KCNN3: variants seen among roughly 807,000 people sequenced by gnomAD.
KCNN3 encodes small conductance calcium-activated potassium channel protein 3.
KCNN3 carries 16 observed loss-of-function variants against 62.9 expected under a neutral mutation model. The observed-to-expected ratio is 0.25, with a 90% CI of 0.17 to 0.39. The LOEUF (loss-of-function observed/expected upper bound fraction) is 0.39, where lower values mean the gene tolerates loss of function less well. Among genes scored for constraint, KCNN3 ranks in the 10% least tolerant of loss-of-function variants. The pLI, the probability that KCNN3 is intolerant of heterozygous loss-of-function variation, is 1.00. For synonymous variants in KCNN3, 370 were observed against 389.2 expected (o/e 0.95, Z 0.58); for missense variants, 599 against 949.4 (o/e 0.63, Z 4.85).
chr1:154,714,798 G>C lies in KCNN3; in HGVS notation c.1829+78C>G, dbSNP rs879548353. The C allele has an allele frequency of 7.3e-4, 1,159 of 1,580,800 alleles. 2 individuals carry two copies. Among genetic ancestry groups the C allele is most frequent in the Non-Finnish European group, 9.3e-4 (1,075 of 1,151,562 alleles). On this transcript the variant is annotated intron_variant, in intron 6 of 7. Transcript: ENST00000271915. The stretch of plus-strand genomic sequence containing the variant: ...GAGTGGAACAGAATGGATTTCTTCT[G>C]TGCTACTGACAGAGTTGTAGGAGTC...
chr1:154,830,543 G>A (rs1003448038), intron 1 of KCNN3, among the ~76,000 whole-genome samples: 28 of 152,188 alleles, frequency 1.8e-4, no homozygotes, highest in Non-Finnish European at 1.3e-4. Flanking sequence ...CTGCAGACTG[G>A]GCCCGGCACG....
intron 2 of KCNN3, among the ~76,000 whole-genome samples, chr1:154,810,288 T>C (rs539099688): frequency 2.2e-4 from 33 of 152,126 alleles, no homozygotes; most frequent in Non-Finnish European, 4.4e-5. Flanking sequence ...AGGCAGATGA[T>C]GGCTTGGGGT....
intron 7 of KCNN3, 70 bp downstream of exon 7, chr1:154,713,394 C>A (rs1700118956): frequency 1.5e-6 from 2 of 1,321,590 alleles, no homozygotes; most frequent in Non-Finnish European, 2.2e-6. Flanking sequence ...CCAGCCAGGA[C>A]TCACAGGTGA....
intron 3 of KCNN3, among the ~76,000 whole-genome samples, chr1:154,761,952 C>T (rs1648037512): frequency 1.4e-5 from 2 of 144,782 alleles, no homozygotes; most frequent in South Asian, 4.5e-4. Context: ...AAACAAACAA[C>T]GAAGTAACAA....
intron 2 of KCNN3, among the ~76,000 whole-genome samples, chr1:154,815,368 T>G (rs1455940766): frequency 6.6e-6 from 1 of 152,164 alleles, no homozygotes; most frequent in Non-Finnish European, 1.5e-5. Flanking sequence ...AGCTTTGTCC[T>G]GAGCATACAA....
chr1:154,784,414 T>C (rs1343290199), intron 2 of KCNN3, among the ~76,000 whole-genome samples: 2 of 152,112 alleles, frequency 1.3e-5, no homozygotes, highest in African/African-American at 2.4e-5. Context: ...CTAAACCAAG[T>C]TACCAGTAAC....
intron 1 of KCNN3, among the ~76,000 whole-genome samples, chr1:154,828,289 G>A (rs139179316): frequency 6.6e-6 from 1 of 151,736 alleles, no homozygotes; most frequent in East Asian, 1.9e-4. Context: ...TGACCAAGGC[G>A]CCGAGCACAC....
Position 154,702,700 on chromosome 1 carries a change from G to GATTAT in KCNN3, c.*5275_*5276insATAAT, listed in dbSNP as rs1205187844. ...ACGTTGGCTGCTTCGATCTGATTCA[G>GATTAT]ATATATATATATATATATATATATA... On this transcript the variant is annotated 3_prime_UTR_variant, in exon 8 of 8. Coordinates refer to ENST00000271915, the MANE Select transcript of KCNN3 (RefSeq NM_002249.6). 4 of 43,080 alleles carry GATTAT rather than the reference G, an allele frequency of 9.3e-5. No individual in the cohort carries two copies. Among genetic ancestry groups the GATTAT allele is most frequent in the African/African-American group, 2.4e-4 (4 of 16,410 alleles). 2.7% of individuals were successfully genotyped at this position (43,080 alleles called of 1,614,324 possible).
intron 6 of KCNN3, among the ~76,000 whole-genome samples, chr1:154,714,506 GGTGT>G (rs143557549): frequency 3.4e-4 from 25 of 73,692 alleles, no homozygotes; most frequent in African/African-American, 9.5e-4. Context: ...GTGTGTGTGG[GGTGT>G]GTGTGTGTGG....
At chr1:154,749,865 G>C (rs1332711319) in intron 3 of KCNN3, among the ~76,000 whole-genome samples, 1 of 152,184 alleles carries the variant, frequency 6.6e-6, no homozygotes, top group Non-Finnish European at 1.5e-5. Context: ...GGAGACTACG[G>C]GATGCTCCCG....
intron 2 of KCNN3, among the ~76,000 whole-genome samples, chr1:154,801,827 G>A (rs981248671): frequency 1.6e-4 from 24 of 152,092 alleles, no homozygotes; most frequent in African/African-American, 5.6e-4. Flanking sequence ...TGAAAGACTC[G>A]GCCTCCGGGG....
Position 154,789,889 on chromosome 1 carries a change from T to TTTTG in KCNN3, c.1030-17500_1030-17497dup, listed in dbSNP as rs150262043. ...GCCCCAGGTTAGGAATGCTTGCTTT[T>TTTTG]TTTGTTTGTTTGTTTGTTTGTTTGT... is the stretch of plus-strand genomic sequence containing the variant. On this transcript the variant is annotated intron_variant, in intron 2 of 7. Coordinates refer to ENST00000271915, the MANE Select transcript of KCNN3 (RefSeq NM_002249.6). 3.0e-3 allele frequency among the ~76,000 whole-genome samples: 460 copies of TTTTG among 150,900 alleles called. 1 individual carries two copies. Among genetic ancestry groups the TTTTG allele is most frequent in the East Asian group, 4.9e-3 (25 of 5,118 alleles).
At chr1:154,715,044 T>C in intron 5 of KCNN3, 41 bp from the exon 6 acceptor site, 1 of 1,611,786 alleles carries the variant, frequency 6.2e-7, no homozygotes, top group Non-Finnish European at 8.5e-7. Context: ...TCAGGTTCAT[T>C]TTCTTAGGTT....
At chr1:154,710,445 C>T (rs961570707) in intron 7 of KCNN3, among the ~76,000 whole-genome samples, 4 of 151,978 alleles carry the variant, frequency 2.6e-5, no homozygotes, top group South Asian at 2.1e-4. Context: ...GATCTCCCCA[C>T]GGGGGTTCTG....
chr1:154,869,666 A>T lies in KCNN3; in HGVS notation c.299T>A (p.Leu100Gln). Residue 100 changes from leucine to glutamine, a missense_variant, in exon 1 of 8, where the codon CTG becomes CAG. Around this residue, in one of 7 missense-constraint regions of KCNN3, gnomAD observed 112 missense variants for 142.9 expected, o/e 0.78. Coordinates refer to ENST00000271915, the MANE Select transcript of KCNN3 (RefSeq NM_002249.6). This position sits in a 1 kb window ranked among gnomAD's most constrained non-coding sequence, Gnocchi z 6.1. Reference sequence around the variant, plus strand: ...GAAAGCGGTGGGAGAGGAGTGCAGCAGGCCAGGGTGGACGGGCTGGCTCTG... The same window carrying T: ...GAAAGCGGTGGGAGAGGAGTGCAGCTGGCCAGGGTGGACGGGCTGGCTCTG... ...QLQSQPVHPG[L>Q]LHSSPTAFRA... 1 of 1,607,136 alleles carries T rather than the reference A, an allele frequency of 6.2e-7. No homozygotes were observed. The highest frequency in any genetic ancestry group is 8.5e-7 in the Non-Finnish European group (1 of 1,176,608).
At chr1:154,715,123 C>A in intron 5 of KCNN3, 120 bp from the exon 6 acceptor site, 3 of 1,237,092 alleles carry the variant, frequency 2.4e-6, no homozygotes, top group African/African-American at 1.5e-5. Context: ...TTTTCTTAAC[C>A]AAAATCACGG....
At chr1:154,826,216 GC>G (rs2101898209) in intron 1 of KCNN3, among the ~76,000 whole-genome samples, 1 of 152,198 alleles carries the variant, frequency 6.6e-6, no homozygotes, top group East Asian at 1.9e-4. Context: ...TCATTTTTAA[GC>G]TTTTTTAGTG....
At chr1:154,864,575 CCAGGCTCCCCTGGG>C (rs1227357648) in intron 1 of KCNN3, among the ~76,000 whole-genome samples, 1 of 152,234 alleles carries the variant, frequency 6.6e-6, no homozygotes, top group African/African-American at 2.4e-5. Context: ...GGCCAGACGA[CCAGGCTCCCCTGGG>C]CATACGGAGA....
At chr1:154,710,212 G>A (rs1309097316) in intron 7 of KCNN3, among the ~76,000 whole-genome samples, 1 of 152,166 alleles carries the variant, frequency 6.6e-6, no homozygotes, top group East Asian at 1.9e-4. Flanking sequence ...GAGGACCAAA[G>A]GGCAGGAGTG....
Sources: gnomAD v4.1 joint callset for allele counts (sites outside exome capture counted in the v4.1 genomes callset) on GRCh38, gnomAD v4.1.1 for gene constraint, gnomAD v4.1.1 regional missense constraint, Gnocchi (gnomAD v3.1) non-coding constraint, MANE v1.5 for transcripts, NCBI Gene and HGNC (gene_info 2026-07-23, HGNC 2026-07-21) for gene names.